The following ITPRID2 variants were observed in gnomAD, a reference collection of about 807,000 sequenced individuals.
ITPRID2 encodes the protein protein ITPRID2.
A neutral mutation model predicts 124.3 loss-of-function variants in ITPRID2; 60 were observed. That is an observed-to-expected ratio of 0.48 (90% CI 0.39 to 0.60). ITPRID2 has a LOEUF of 0.60. Ranked by LOEUF, ITPRID2 falls within the 20% of genes least tolerant of loss-of-function variation. The probability of loss-of-function intolerance (pLI) is 0.00; values close to 1 mark genes in which losing one functional copy is unlikely to be tolerated. For missense variants in ITPRID2, 1,553 were observed against 1,512.2 expected, an observed-to-expected ratio of 1.03 and a Z score of -0.45; for synonymous variants, 521 against 542.9, an observed-to-expected ratio of 0.96 and a Z score of 0.56.
Position 181,915,415 on chromosome 2 carries a change from G to A in ITPRID2, c.1775G>A (p.Gly592Asp). The A allele has an allele frequency of 6.2e-7, 1 of 1,614,120 alleles. No homozygotes were observed. The highest frequency in any genetic ancestry group is 8.5e-7 in the Non-Finnish European group (1 of 1,180,010). Residue 592 changes from glycine to aspartate, a missense_variant, in exon 11 of 18, where the codon GGT becomes GAT. Physicochemically the swap from Gly to Asp is moderately conservative, Grantham distance 94. Coordinates refer to ENST00000431877, the MANE Select transcript of ITPRID2 (RefSeq NM_001130445.3). ...AAAVADKRKS[G>D]SQDFPQCNTI... is the part of the protein sequence containing the mutation. ...GCAGTTGCAGACAAAAGAAAATCAG[G>A]TAGCCAGGATTTCCCTCAGTGCAAC...
At chr2:181,901,512 A>G (rs149416412) in intron 7 of ITPRID2, among the ~76,000 whole-genome samples, 261 of 152,302 alleles carry the variant, frequency 1.7e-3, no homozygotes, top group African/African-American at 6.0e-3. Flanking sequence ...GTTTTATTCA[A>G]TGTTGCCATT....
At chr2:181,912,741 GTC>G in intron 9 of ITPRID2, among the ~76,000 whole-genome samples, 1 of 152,206 alleles carries the variant, frequency 6.6e-6, no homozygotes, top group East Asian at 1.9e-4. Flanking sequence ...GAACTGTACA[GTC>G]TCTCCCATTG....
At position 181,926,298 on chromosome 2, in the gene ITPRID2, C is replaced by T. The variant is rs151083945; in HGVS notation, c.3676-1863C>T. 1.1e-4 allele frequency among the ~76,000 whole-genome samples: 17 copies of T among 152,246 alleles called. No homozygotes were observed. In the East Asian group the frequency reaches 2.9e-3, roughly 26 times the overall value. ...TAAATAAGAAATATATTTTATGAAA[C>T]AGTATTCATTTTGTGTCCATTGAGA... On this transcript the variant is annotated intron_variant, in intron 16 of 17. Transcript: ENST00000431877.
At chr2:181,914,884 T>C (rs1559002867) in intron 10 of ITPRID2, among the ~76,000 whole-genome samples, 2 of 152,164 alleles carry the variant, frequency 1.3e-5, no homozygotes, top group Non-Finnish European at 2.9e-5. Context: ...TGGGGAGAGA[T>C]ACAAGGAAGT....
chr2:181,900,538 T>G lies in ITPRID2; in HGVS notation c.504-158T>G, dbSNP rs146079141. ...GGCTATTTATTCCCCAGTACACATG[T>G]GTAAACATGGTAAAATAAATAATGG... is the stretch of plus-strand genomic sequence containing the variant. On this transcript the variant is annotated intron_variant, in intron 6 of 17. Coordinates refer to ENST00000431877, the MANE Select transcript of ITPRID2 (RefSeq NM_001130445.3). Among the ~76,000 whole-genome samples the G allele has an allele frequency of 9.4e-4, 143 of 152,324 alleles. 1 individual carries two copies. Among genetic ancestry groups the G allele is most frequent in the African/African-American group, 3.3e-3 (136 of 41,588 alleles).
intron 9 of ITPRID2, 121 bp from the exon 10 acceptor site, chr2:181,913,724 T>G (rs1281430024): frequency 1.6e-6 from 1 of 621,854 alleles, no homozygotes; most frequent in Non-Finnish European, 2.6e-6. Context: ...TCAAATATTG[T>G]GTATCTTATA....
At chr2:181,912,564 C>G (rs918726854) in intron 9 of ITPRID2, among the ~76,000 whole-genome samples, 2 of 152,166 alleles carry the variant, frequency 1.3e-5, no homozygotes, top group Non-Finnish European at 2.9e-5. Flanking sequence ...ACCAAGTTGA[C>G]TTTAATAGAT....
At chr2:181,924,912 G>C (rs934014569) in intron 16 of ITPRID2, among the ~76,000 whole-genome samples, 10 of 152,312 alleles carry the variant, frequency 6.6e-5, no homozygotes, top group African/African-American at 2.4e-4. Flanking sequence ...GCCTGAAACT[G>C]TTTGCAGTTA....
At chr2:181,904,444 AGT>A (rs959032208) in intron 8 of ITPRID2, among the ~76,000 whole-genome samples, 7 of 152,084 alleles carry the variant, frequency 4.6e-5, no homozygotes, top group African/African-American at 1.7e-4. Context: ...ACCTCCTGGA[AGT>A]GTGTTTTCAT....
chr2:181,895,901 G>A, intron 2 of ITPRID2, 129 bp from the exon 3 acceptor site: 1 of 745,608 alleles, frequency 1.3e-6, no homozygotes, highest in Non-Finnish European at 2.3e-6. Context: ...TTCCTTGTGT[G>A]TTTTTGGAGG....
chr2:181,917,121 G>A lies in ITPRID2; in HGVS notation c.2787+694G>A, dbSNP rs185675844. ...CCAAAAAAATTTTGAAAATAAGTAC[G>A]TTGTCTTCAGTTTTGCCTTTTACAT... On this transcript the variant is annotated intron_variant, in intron 11 of 17. Coordinates refer to ENST00000431877, the MANE Select transcript of ITPRID2 (RefSeq NM_001130445.3). The A allele has an allele frequency of 4.7e-5, 22 of 466,004 alleles. No individual in the cohort carries two copies. In the East Asian group the frequency reaches 2.5e-3, roughly 53 times the overall value. The allele number at this position is 466,004 out of a possible 1,614,324, so 28.9% of individuals were successfully genotyped here. A position where few individuals can be genotyped will look rare whatever the true frequency, so the allele number is the denominator to read the frequency against.
At position 181,919,233 on chromosome 2, in the gene ITPRID2, A is replaced by C; in HGVS notation, c.2994-63A>C. On this transcript the variant is annotated intron_variant, in intron 13 of 17. Transcript: ENST00000431877. This position sits in a 1 kb window ranked among gnomAD's most constrained non-coding sequence, Gnocchi z 4.2. The stretch of plus-strand genomic sequence containing the variant: ...GTTAGCATATAGTAGTTGTTGAAAG[A>C]TTTGTGATTAGGAATCTCCAAACTG... 1 of 1,584,282 alleles carries C rather than the reference A, an allele frequency of 6.3e-7. No homozygotes were observed. Among genetic ancestry groups the C allele is most frequent in the Middle Eastern group, 1.7e-4 (1 of 5,974 alleles).
intron 6 of ITPRID2, 144 bp downstream of exon 6, chr2:181,899,256 A>AG (rs1325987514): frequency 1.6e-6 from 1 of 618,172 alleles, no homozygotes; most frequent in African/African-American, 1.9e-5. Context: ...CACAACTGAT[A>AG]GGAGCTTTTT....
intron 2 of ITPRID2, chr2:181,893,298 A>G (rs532636085): frequency 4.1e-4 from 62 of 152,422 alleles, no homozygotes; most frequent in African/African-American, 1.5e-3. Context: ...GAGATGAATC[A>G]TGTTGCACGT....
intron 8 of ITPRID2, among the ~76,000 whole-genome samples, chr2:181,904,226 C>G (rs1367882277): frequency 6.6e-6 from 1 of 151,704 alleles, no homozygotes; most frequent in Non-Finnish European, 1.5e-5. Flanking sequence ...GTTTTTTGCC[C>G]CCTCTACTGG....
Position 181,907,908 on chromosome 2 carries a change from C to G in ITPRID2, c.1414-1991C>G, listed in dbSNP as rs780149518. On this transcript the variant is annotated intron_variant, in intron 8 of 17. Transcript: ENST00000431877. The surrounding 1 kb of genome is among the most constrained non-coding windows in gnomAD (Gnocchi z 5.1). Reference sequence around the variant, plus strand: ...TCTCAGCTTTTTGAAGTGCTCCTTTCTTGCACTTAATTATGGAGTTTGTAG... The same window carrying G: ...TCTCAGCTTTTTGAAGTGCTCCTTTGTTGCACTTAATTATGGAGTTTGTAG... Among the ~76,000 whole-genome samples the G allele has an allele frequency of 2.6e-5, 4 of 152,140 alleles. No homozygotes were observed. Among genetic ancestry groups the G allele is most frequent in the Non-Finnish European group, 5.9e-5 (4 of 68,018 alleles).
rs1358838466 is a variant in ITPRID2 at position 181,919,563 on chromosome 2, C to G, written c.3144+117C>G. 5 of 1,139,946 alleles carry G rather than the reference C, an allele frequency of 4.4e-6. No individual in the cohort carries two copies. The highest frequency in any genetic ancestry group is 4.8e-6 in the Non-Finnish European group (4 of 841,134). 70.6% of individuals were successfully genotyped at this position (1,139,946 alleles called of 1,614,324 possible). ...TTATTTTAATGGTATTAAAAGCATG[C>G]ATACTGTTTAAGGAGCTTTCCCACA... On this transcript the variant is annotated intron_variant, in intron 14 of 17. Transcript: ENST00000431877. The surrounding 1 kb of genome is among the most constrained non-coding windows in gnomAD (Gnocchi z 4.2).
intron 9 of ITPRID2, among the ~76,000 whole-genome samples, chr2:181,912,467 T>C (rs1301163360): frequency 1.3e-5 from 2 of 152,218 alleles, no homozygotes; most frequent in African/African-American, 4.8e-5. Context: ...CTTGTTACTA[T>C]CAAAATGATA....
chr2:181,900,241 C>T (rs775988430), intron 6 of ITPRID2, among the ~76,000 whole-genome samples: 3 of 152,150 alleles, frequency 2.0e-5, no homozygotes, highest in Non-Finnish European at 4.4e-5. Context: ...TTTATTGTTC[C>T]TCCTAGGACA....
Sources: allele counts gnomAD v4.1 joint callset (sites outside exome capture counted in the v4.1 genomes callset), GRCh38; gene constraint gnomAD v4.1.1; non-coding constraint Gnocchi (gnomAD v3.1); transcripts MANE v1.5; gene names NCBI Gene and HGNC (gene_info 2026-07-23, HGNC 2026-07-21).